IGF1R: variants seen among roughly 807,000 people sequenced by gnomAD.
The protein encoded by IGF1R is insulin-like growth factor 1 receptor.
A neutral mutation model predicts 144.6 loss-of-function variants in IGF1R; 44 were observed. The observed-to-expected ratio is 0.30, with a 90% CI of 0.24 to 0.39. The LOEUF is 0.39. IGF1R is among the 10% of genes least tolerant of loss of function. IGF1R has a pLI of 1.00. For synonymous variants in IGF1R, 795 were observed against 722.8 expected (o/e 1.10, Z -1.60); for missense variants, 1,355 against 1,833.7 (o/e 0.74, Z 4.77).
chr15:98,834,979 T>A lies in IGF1R; in HGVS notation c.641-56346T>A, dbSNP rs568485348. ...CTCTATGTTTGTAAGATGGCGAGTG[T>A]TGAGATGTCTTATAGGCTTATATTG... On this transcript the variant is annotated intron_variant, in intron 2 of 20. Transcript: ENST00000650285. 3.3e-5 allele frequency among the ~76,000 whole-genome samples: 5 copies of A among 152,152 alleles called. No homozygotes were observed. The East Asian group carries it at 9.7e-4, about 29-fold the overall frequency.
rs557966888 is a variant in IGF1R, at chr15:98,853,449, A to G, written c.641-37876A>G. Among the ~76,000 whole-genome samples, 11 of 152,342 alleles carry G rather than the reference A, an allele frequency of 7.2e-5. No homozygotes were observed. In the South Asian group the frequency reaches 8.3e-4, roughly 11 times the overall value. On this transcript the variant is annotated intron_variant, in intron 2 of 20. Coordinates refer to ENST00000650285, the MANE Select transcript of IGF1R (RefSeq NM_000875.5). ...GTCACAGGCTCCAAGCAGGAAGCGCAGGCAAAATGGCAAAATACAGCATGT... is the reference window on the plus strand; with the variant it reads ...GTCACAGGCTCCAAGCAGGAAGCGCGGGCAAAATGGCAAAATACAGCATGT...
In IGF1R at chr15:98,708,058, C is replaced by T; in HGVS notation, c.591C>T (p.Ile197=). 4 of 1,614,044 alleles carry T rather than the reference C, an allele frequency of 2.5e-6. No homozygotes were observed. Among genetic ancestry groups the T allele is most frequent in the African/African-American group, 1.3e-5 (1 of 75,052 alleles). Residue 197 remains isoleucine (I), a synonymous_variant, in exon 2 of 21, where the codon ATC becomes ATT. Coordinates refer to ENST00000650285, the MANE Select transcript of IGF1R (RefSeq NM_000875.5). Reference sequence around the variant, plus strand: ...AGCCGATGTGTGAGAAGACCACCATCAACAATGAGTACAACTACCGCTGCT... The same window carrying T: ...AGCCGATGTGTGAGAAGACCACCATTAACAATGAGTACAACTACCGCTGCT... ...EEKPMCEKTT[I]NNEYNYRCWT... is the part of the protein sequence containing the mutation.
intron 2 of IGF1R, among the ~76,000 whole-genome samples, chr15:98,767,967 G>A (rs889776109): frequency 6.6e-6 from 1 of 152,132 alleles, no homozygotes; most frequent in South Asian, 2.1e-4. Flanking sequence ...AGGTCCCAGG[G>A]TTCCTCAGTC....
chr15:98,834,253 G>A (rs1157020250), intron 2 of IGF1R, among the ~76,000 whole-genome samples: 1 of 152,204 alleles, frequency 6.6e-6, no homozygotes, highest in African/African-American at 2.4e-5. Flanking sequence ...GCATCACCAT[G>A]GTGCCTGGCA....
chr15:98,758,208 T>G (rs942799120), intron 2 of IGF1R, among the ~76,000 whole-genome samples: 4 of 104,268 alleles, frequency 3.8e-5, no homozygotes, highest in African/African-American at 1.2e-4. Flanking sequence ...TTTTAAAGTG[T>G]TTTTTTTTTT....
At chr15:98,732,009 G>A (rs369905615) in intron 2 of IGF1R, among the ~76,000 whole-genome samples, 1 of 152,152 alleles carries the variant, frequency 6.6e-6, no homozygotes, top group African/African-American at 2.4e-5. Context: ...TGCAGCATTC[G>A]TATTCAGCAA....
chr15:98,821,282 C>CT lies in IGF1R; in HGVS notation c.641-70042dup, dbSNP rs1555449175. Among the ~76,000 whole-genome samples the CT allele has an allele frequency of 3.2e-4, 44 of 137,730 alleles. No individual in the cohort carries two copies. The South Asian group carries it at 0.012, about 38-fold the overall frequency. 90.4% of individuals were successfully genotyped at this position (137,730 alleles called of 152,430 possible). A position where few individuals can be genotyped will look rare whatever the true frequency, so the allele number is the denominator to read the frequency against. On this transcript the variant is annotated intron_variant, in intron 2 of 20. Transcript: ENST00000650285. Reference sequence around the variant, plus strand: ...TAGTTGTCTTTTATTTTAAACACGCCTCCCCCCCCCCTTTTTAAACTGATT... The same window carrying CT: ...TAGTTGTCTTTTATTTTAAACACGCCTTCCCCCCCCCCTTTTTAAACTGATT...
At chr15:98,836,913 G>A (rs1041448709) in intron 2 of IGF1R, among the ~76,000 whole-genome samples, 1 of 152,152 alleles carries the variant, frequency 6.6e-6, no homozygotes, top group East Asian at 1.9e-4. Flanking sequence ...ATCTCAGTGC[G>A]TCACATCTGT....
At chr15:98,727,743 G>A (rs548657223) in intron 2 of IGF1R, among the ~76,000 whole-genome samples, 1 of 152,270 alleles carries the variant, frequency 6.6e-6, no homozygotes, top group African/African-American at 2.4e-5. Flanking sequence ...CTTGTCCTCC[G>A]GGTGGGTCCA....
intron 2 of IGF1R, among the ~76,000 whole-genome samples, chr15:98,825,912 C>A (rs1386505756): frequency 6.6e-6 from 1 of 152,242 alleles, no homozygotes; most frequent in Non-Finnish European, 1.5e-5. Context: ...ATACTGATCA[C>A]CCCTATGGGT....
rs1555457179 is a variant in IGF1R, at chr15:98,888,438, A to AGAGAGTGTGTGTGTGTGTGT, written c.641-2886_641-2885insAGAGTGTGTGTGTGTGTGTG. 3.0e-3 allele frequency among the ~76,000 whole-genome samples: 433 copies of AGAGAGTGTGTGTGTGTGTGT among 143,442 alleles called. 1 individual carries two copies. The highest frequency in any genetic ancestry group is 4.2e-3 in the Admixed American group (60 of 14,260). 94.1% of individuals were successfully genotyped at this position (143,442 alleles called of 152,430 possible). ...TGGGGGTTTGATGAGAGAGAGAGAG[A>AGAGAGTGTGTGTGTGTGTGT]GTGTGTGTGTGTGTGTGTGTGTGTG... is the stretch of plus-strand genomic sequence containing the variant. On this transcript the variant is annotated intron_variant, in intron 2 of 20. Coordinates refer to ENST00000650285, the MANE Select transcript of IGF1R (RefSeq NM_000875.5).
At chr15:98,843,416 G>T (rs2011211479) in intron 2 of IGF1R, among the ~76,000 whole-genome samples, 1 of 152,164 alleles carries the variant, frequency 6.6e-6, no homozygotes, top group Non-Finnish European at 1.5e-5. Context: ...CAATAAACAG[G>T]ACAGGGCCTT....
rs559460617 is a variant in IGF1R, at chr15:98,651,006, G to A, written c.94+1331G>A. On this transcript the variant is annotated intron_variant, in intron 1 of 20. Transcript: ENST00000650285. ...AAGTGTGGCTTACTGGTACATTCAAGATGGTAGGGTAATTTGAACACGATT... is the reference window on the plus strand; with the variant it reads ...AAGTGTGGCTTACTGGTACATTCAAAATGGTAGGGTAATTTGAACACGATT... 9 of 985,208 alleles carry A rather than the reference G, an allele frequency of 9.1e-6. No individual in the cohort carries two copies. In the Admixed American group the frequency reaches 3.7e-4, roughly 40 times the overall value. 61.0% of individuals were successfully genotyped at this position (985,208 alleles called of 1,614,324 possible).
At chr15:98,744,525 G>A (rs2054819182) in intron 2 of IGF1R, among the ~76,000 whole-genome samples, 3 of 152,196 alleles carry the variant, frequency 2.0e-5, no homozygotes, top group African/African-American at 4.8e-5. Flanking sequence ...GGCAGCCAGG[G>A]AGGAGCAGAG....
intron 2 of IGF1R, among the ~76,000 whole-genome samples, chr15:98,847,340 G>A (rs2670502): frequency 0.1 from 15,856 of 152,088 alleles, 1,834 homozygotes; most frequent in African/African-American, 0.29. Flanking sequence ...CGTAGATGCC[G>A]TGTCAGTCCA....
chr15:98,779,266 T>C lies in IGF1R; in HGVS notation c.640+71159T>C, dbSNP rs76428421. Reference sequence around the variant, plus strand: ...CACAAGTGACTGTGTAGCAGCAACCTCATGTTTCATGATGACTTTAAAATG... The same window carrying C: ...CACAAGTGACTGTGTAGCAGCAACCCCATGTTTCATGATGACTTTAAAATG... On this transcript the variant is annotated intron_variant, in intron 2 of 20. Coordinates refer to ENST00000650285, the MANE Select transcript of IGF1R (RefSeq NM_000875.5). 3.9e-3 allele frequency among the ~76,000 whole-genome samples: 590 copies of C among 152,362 alleles called. 5 individuals carry two copies. The highest frequency in any genetic ancestry group is 0.014 in the African/African-American group (575 of 41,584).
rs1016085329 is a variant in IGF1R at position 98,961,378 on chromosome 15, A to G, written c.*3936A>G. On this transcript the variant is annotated 3_prime_UTR_variant, in exon 21 of 21. Coordinates refer to ENST00000650285, the MANE Select transcript of IGF1R (RefSeq NM_000875.5). Reference sequence around the variant, plus strand: ...AAACACTAACAGTGTAGTGCCCATCATAGCAAATGCTTCAGAAACACCTCA... The same window carrying G: ...AAACACTAACAGTGTAGTGCCCATCGTAGCAAATGCTTCAGAAACACCTCA... 4.3e-6 allele frequency: 1 copy of G among 233,454 alleles called. No homozygotes were observed. Among genetic ancestry groups the G allele is most frequent in the Non-Finnish European group, 8.5e-6 (1 of 117,994 alleles). The allele number at this position is 233,454 out of a possible 1,614,324, so 14.5% of individuals were successfully genotyped here. A position where few individuals can be genotyped will look rare whatever the true frequency, so the allele number is the denominator to read the frequency against.
chr15:98,795,401 GT>G (rs1005800713), intron 2 of IGF1R, among the ~76,000 whole-genome samples: 5 of 135,214 alleles, frequency 3.7e-5, no homozygotes, highest in African/African-American at 1.4e-4. Context: ...TTTCTTTCTT[GT>G]TTTTTGTTTT....
At chr15:98,954,584 GGCGT>G (rs2016905728) in intron 20 of IGF1R, among the ~76,000 whole-genome samples, 2 of 152,132 alleles carry the variant, frequency 1.3e-5, no homozygotes, top group Non-Finnish European at 2.9e-5. Context: ...GTTTAAAAGA[GGCGT>G]CACATGGCTT....
Sources: allele counts gnomAD v4.1 joint callset (sites outside exome capture counted in the v4.1 genomes callset), GRCh38; gene constraint gnomAD v4.1.1; transcripts MANE v1.5; gene names NCBI Gene and HGNC (gene_info 2026-07-23, HGNC 2026-07-21).